Variants in B3GLCT observed in about 807,000 individuals in gnomAD.
B3GLCT encodes beta-1,3-glucosyltransferase.
In B3GLCT, 65 loss-of-function variants were observed where a neutral mutation model predicts 63.4. The observed-to-expected ratio is 1.03, with a 90% CI of 0.84 to 1.26. The LOEUF is 1.26. Ranked by LOEUF, B3GLCT falls within the 50% of genes most tolerant of loss-of-function variation. B3GLCT has a pLI of 0.00. For missense variants in B3GLCT, 577 were observed against 604.8 expected, an observed-to-expected ratio of 0.95 and a Z score of 0.48; for synonymous variants, 233 against 219.2, an observed-to-expected ratio of 1.06 and a Z score of -0.55.
At chr13:31,290,091 C>A (rs1873577344) in intron 12 of B3GLCT, among the ~76,000 whole-genome samples, 1 of 152,132 alleles carries the variant, frequency 6.6e-6, no homozygotes, top group Admixed American at 6.5e-5. Flanking sequence ...TTGTTCAACT[C>A]CCACTTATGA....
At chr13:31,317,733 C>T (rs1875123836) in intron 13 of B3GLCT, 48 bp downstream of exon 13, 2 of 1,611,536 alleles carry the variant, frequency 1.2e-6, no homozygotes, top group Admixed American at 3.3e-5. Context: ...ATAAACTTCC[C>T]TTTCCACACG....
At chr13:31,206,777 G>C (rs1868980356) in intron 1 of B3GLCT, among the ~76,000 whole-genome samples, 1 of 151,934 alleles carries the variant, frequency 6.6e-6, no homozygotes, top group African/African-American at 2.4e-5. Context: ...TGGTTGTTTT[G>C]CCTTAAAGTA....
At chr13:31,237,601 C>T (rs147732510) in intron 4 of B3GLCT, among the ~76,000 whole-genome samples, 8 of 152,136 alleles carry the variant, frequency 5.3e-5, no homozygotes, top group East Asian at 3.9e-4. Flanking sequence ...GTGACCCACC[C>T]GCCTTGGCCT....
At chr13:31,301,847 T>C (rs1054508842) in intron 12 of B3GLCT, among the ~76,000 whole-genome samples, 7 of 152,260 alleles carry the variant, frequency 4.6e-5, no homozygotes, top group Non-Finnish European at 8.8e-5. Flanking sequence ...ACTCAGTCTT[T>C]AATAATGTTG....
rs112625694 is a variant in B3GLCT, at chr13:31,201,720, A to G, written c.70+1566A>G. On this transcript the variant is annotated intron_variant, in intron 1 of 14. Coordinates refer to ENST00000343307, the MANE Select transcript of B3GLCT (RefSeq NM_194318.4). The stretch of plus-strand genomic sequence containing the variant: ...TAATATATACAACATATGGGCTGAA[A>G]TGCACATTTGTATTGCTGTGTCTAT... Among the ~76,000 whole-genome samples, 11 of 152,312 alleles carry G rather than the reference A, an allele frequency of 7.2e-5. 2 individuals carry two copies. Among genetic ancestry groups the G allele is most frequent in the African/African-American group, 2.6e-4 (11 of 41,554 alleles).
intron 14 of B3GLCT, 94 bp downstream of exon 14, chr13:31,323,989 A>G (rs1372290346): frequency 6.8e-7 from 1 of 1,470,088 alleles, no homozygotes; most frequent in Non-Finnish European, 9.5e-7. Context: ...CATATTCGGG[A>G]AACAGACTAA....
intron 13 of B3GLCT, among the ~76,000 whole-genome samples, chr13:31,320,803 C>A (rs1273705561): frequency 6.6e-6 from 1 of 152,094 alleles, no homozygotes; most frequent in Non-Finnish European, 1.5e-5. Flanking sequence ...TTTTCCTCTC[C>A]TCCCAAGATA....
At position 31,260,964 on chromosome 13, in the gene B3GLCT, G is replaced by A; in HGVS notation, c.478G>A (p.Ala160Thr). 6.2e-7 allele frequency: 1 copy of A among 1,613,886 alleles called. No individual in the cohort carries two copies. Among genetic ancestry groups the A allele is most frequent in the Non-Finnish European group, 8.5e-7 (1 of 1,179,806 alleles). Residue 160 changes from alanine (A) to threonine (T), a missense_variant, in exon 7 of 15, where the codon GCA (alanine) becomes ACA (threonine). By Grantham distance (58) the Ala-to-Thr change is moderately conservative. Transcript: ENST00000343307. ...TTAACAGGAATGGTTTTTGGGAAAA[G>A]CATTACATGATGAAGAAGCTACAAT... ...DPSKEWFLGK[A>T]LHDEEATIIH...
chr13:31,314,843 CCA>C (rs1168444551), intron 12 of B3GLCT, among the ~76,000 whole-genome samples: 4 of 152,156 alleles, frequency 2.6e-5, no homozygotes, highest in African/African-American at 4.8e-5. Flanking sequence ...GCCAGAATTC[CCA>C]CATATTGTGG....
chr13:31,241,063 A>G (rs1232891482), intron 4 of B3GLCT, among the ~76,000 whole-genome samples: 1 of 152,254 alleles, frequency 6.6e-6, no homozygotes, highest in Non-Finnish European at 1.5e-5. Flanking sequence ...GAAATAGAAC[A>G]TTGAGATTCA....
At chr13:31,316,679 G>A (rs1385142608) in intron 12 of B3GLCT, among the ~76,000 whole-genome samples, 2 of 151,800 alleles carry the variant, frequency 1.3e-5, no homozygotes, top group African/African-American at 4.8e-5. Flanking sequence ...AGGCTTATAG[G>A]TGGAAGGGAC....
At chr13:31,229,742 C>G (rs1364404665) in intron 4 of B3GLCT, among the ~76,000 whole-genome samples, 1 of 148,554 alleles carries the variant, frequency 6.7e-6, no homozygotes, top group Non-Finnish European at 1.5e-5. Flanking sequence ...TGGGACTCCT[C>G]TGTCTCAAAA....
chr13:31,213,019 TGTGTGTGTGTGTGTGTGCACGC>T (rs1038647789), intron 1 of B3GLCT, among the ~76,000 whole-genome samples: 2 of 146,126 alleles, frequency 1.4e-5, no homozygotes, highest in African/African-American at 5.4e-5. Context: ...GATTGGGCTT[TGTGTGTGTGTGTGTGTGCACGC>T]GTGCGCGTGT....
intron 1 of B3GLCT, among the ~76,000 whole-genome samples, chr13:31,210,997 C>A (rs898940401): frequency 6.6e-6 from 1 of 152,146 alleles, no homozygotes; most frequent in Admixed American, 6.5e-5. Context: ...CCTGCCTCAG[C>A]CTCCCGAAGT....
At chr13:31,322,681 T>C (rs1377673177) in intron 13 of B3GLCT, among the ~76,000 whole-genome samples, 1 of 152,196 alleles carries the variant, frequency 6.6e-6, no homozygotes, top group African/African-American at 2.4e-5. Flanking sequence ...TAAAATTTCA[T>C]GCTCACGTTT....
chr13:31,258,676 G>C (rs1398978691), intron 6 of B3GLCT, among the ~76,000 whole-genome samples: 2 of 152,010 alleles, frequency 1.3e-5, no homozygotes, highest in East Asian at 1.9e-4. Flanking sequence ...CATGTATACT[G>C]TCTCCCTCTA....
At chr13:31,200,732 G>A (rs1275381754) in intron 1 of B3GLCT, among the ~76,000 whole-genome samples, 2 of 152,006 alleles carry the variant, frequency 1.3e-5, no homozygotes, top group African/African-American at 2.4e-5. Flanking sequence ...CCTTCGGGAC[G>A]TGCCCTGGCC....
chr13:31,288,668 G>A (rs1234317954), intron 12 of B3GLCT, among the ~76,000 whole-genome samples: 2 of 152,112 alleles, frequency 1.3e-5, no homozygotes, highest in Non-Finnish European at 2.9e-5. Context: ...GTCACACAAA[G>A]ACCACACTAC....
intron 10 of B3GLCT, among the ~76,000 whole-genome samples, chr13:31,284,254 G>A (rs1873207108): frequency 6.6e-6 from 1 of 152,170 alleles, no homozygotes; most frequent in East Asian, 1.9e-4. Flanking sequence ...TTTGGGTGGG[G>A]ACATGCATAG....
Sources: allele counts gnomAD v4.1 joint callset (sites outside exome capture counted in the v4.1 genomes callset), GRCh38; gene constraint gnomAD v4.1.1; transcripts MANE v1.5; gene names NCBI Gene and HGNC (gene_info 2026-07-23, HGNC 2026-07-21).